Variants in LBP observed in about 807,000 individuals in gnomAD.
LBP encodes the protein lipopolysaccharide binding protein, also known as lipopolysaccharide-binding protein.
LBP carries 53 observed loss-of-function variants against 56.6 expected under a neutral mutation model. The ratio of observed to expected loss-of-function variants is 0.94; its 90% CI spans 0.75 to 1.18. The LOEUF is 1.18. Among genes scored for constraint, LBP ranks in the 50% most tolerant of loss-of-function variants. The pLI, the probability that LBP is intolerant of heterozygous loss-of-function variation, is 0.00. For synonymous variants in LBP, 227 were observed against 247.5 expected (o/e 0.92, Z 0.78); for missense variants, 601 against 598.3 (o/e 1.00, Z -0.05).
Position 38,371,324 on chromosome 20 carries a change from T to A in LBP, c.1260+2T>A. Reference sequence around the variant, plus strand: ...GAATCCAAAGTTGGACTATTCAATGTAAGTTGTTTTTATTGATGACATGAT... The same window carrying A: ...GAATCCAAAGTTGGACTATTCAATGAAAGTTGTTTTTATTGATGACATGAT... On this transcript the variant is annotated splice_donor_variant, in intron 12 of 14. Coordinates refer to ENST00000217407, the MANE Select transcript of LBP (RefSeq NM_004139.5). LOFTEE classifies it high-confidence loss of function. 6.3e-7 allele frequency: 1 copy of A among 1,599,336 alleles called. No homozygotes were observed. The highest frequency in any genetic ancestry group is 8.6e-7 in the Non-Finnish European group (1 of 1,167,142).
chr20:38,351,871 TA>T (rs1208648722), intron 3 of LBP, among the ~76,000 whole-genome samples: 2 of 151,726 alleles, frequency 1.3e-5, no homozygotes, highest in Non-Finnish European at 2.9e-5. Context: ...AAATGAAAAA[TA>T]AATTAAAAAT....
intron 5 of LBP, among the ~76,000 whole-genome samples, chr20:38,358,770 T>C (rs1021932806): frequency 6.6e-6 from 1 of 152,206 alleles, no homozygotes; most frequent in Admixed American, 6.5e-5. Flanking sequence ...GCCAGGGCTC[T>C]GCATGTCCCT....
chr20:38,356,677 T>C (rs1215817153), intron 5 of LBP, among the ~76,000 whole-genome samples: 1 of 152,212 alleles, frequency 6.6e-6, no homozygotes, highest in East Asian at 1.9e-4. Flanking sequence ...ACAATTATAA[T>C]TATCACAGTA....
chr20:38,355,261 C>A, intron 4 of LBP, 85 bp from the exon 5 acceptor site: 1 of 1,227,442 alleles, frequency 8.1e-7, no homozygotes, highest in Non-Finnish European at 1.2e-6. Context: ...CCTTTGTGGA[C>A]TGGCCTGACC....
chr20:38,365,934 A>G (rs1433802542), intron 8 of LBP, among the ~76,000 whole-genome samples: 1 of 152,082 alleles, frequency 6.6e-6, no homozygotes, highest in Non-Finnish European at 1.5e-5. Context: ...ACATGATTTC[A>G]TGATTCATGG....
At position 38,369,003 on chromosome 20, in the gene LBP, G is replaced by A. The variant is rs761399249; in HGVS notation, c.990G>A (p.Arg330=). 2 of 1,613,888 alleles carry A rather than the reference G, an allele frequency of 1.2e-6. No homozygotes were observed. The highest frequency in any genetic ancestry group is 1.6e-4 in the Middle Eastern group (1 of 6,084). Residue 330 remains arginine, a synonymous_variant, in exon 10 of 15, where the codon AGG becomes AGA. Transcript: ENST00000217407. The part of the protein sequence containing the change: ...SFRPFVPRLA[R]LYPNMNLELQ... Reference sequence around the variant, plus strand: ...CCTAATTCTGCTCCCAGTTAGCCAGGCTCTACCCCAACATGAACCTGGAAC... The same window carrying A: ...CCTAATTCTGCTCCCAGTTAGCCAGACTCTACCCCAACATGAACCTGGAAC...
At chr20:38,370,270 G>A (rs897362205) in intron 10 of LBP, among the ~76,000 whole-genome samples, 1 of 152,076 alleles carries the variant, frequency 6.6e-6, no homozygotes, top group Non-Finnish European at 1.5e-5. Context: ...TATCTACTCA[G>A]GGGGTTGATG....
chr20:38,369,122 T>C lies in LBP; in HGVS notation c.1109T>C (p.Leu370Pro), dbSNP rs2076892642. 1.2e-6 allele frequency: 2 copies of C among 1,614,076 alleles called. No individual in the cohort carries two copies. Among genetic ancestry groups the C allele is most frequent in the African/African-American group, 1.3e-5 (1 of 74,922 alleles). ...PYMEIDAFVL[L>P]PSSSKEPVFR... ...ATGGAGATAGATGCCTTTGTGCTCC[T>C]GCCCAGCTCCAGCAAGGAGCCTGTC... Residue 370 changes from leucine (L) to proline (P), a missense_variant, in exon 10 of 15, where the codon CTG (leucine) becomes CCG (proline). Coordinates refer to ENST00000217407, the MANE Select transcript of LBP (RefSeq NM_004139.5).
intron 8 of LBP, 66 bp downstream of exon 8, chr20:38,364,818 T>C: frequency 1.4e-6 from 2 of 1,432,118 alleles, no homozygotes; most frequent in Non-Finnish European, 1.9e-6. Context: ...CTTCTTTCCT[T>C]TTCACCCCTG....
At chr20:38,368,229 T>C (rs1342511204) in intron 9 of LBP, among the ~76,000 whole-genome samples, 1 of 152,010 alleles carries the variant, frequency 6.6e-6, no homozygotes, top group Non-Finnish European at 1.5e-5. Context: ...TGGAGAAACC[T>C]TGGGAGAGGT....
intron 5 of LBP, among the ~76,000 whole-genome samples, chr20:38,356,997 A>G (rs2076843809): frequency 6.6e-6 from 1 of 152,152 alleles, no homozygotes; most frequent in South Asian, 2.1e-4. Flanking sequence ...ATGAGACCAC[A>G]GGCACGTGCC....
intron 6 of LBP, 78 bp from the exon 7 acceptor site, chr20:38,363,897 T>C: frequency 9.8e-7 from 1 of 1,024,180 alleles, no homozygotes; most frequent in Non-Finnish European, 1.5e-6. Flanking sequence ...GGAATGTGAG[T>C]CAGCCAGAGC....
Position 38,376,832 on chromosome 20 carries a change from G to A in LBP, c.*163G>A, listed in dbSNP as rs1302804276. On this transcript the variant is annotated 3_prime_UTR_variant, in exon 15 of 15. Transcript: ENST00000217407. ...GCCTCCACCCTCCTCCTCTTCACCA[G>A]GTGCATGCATGCCCTCTCTGAGTCT... 3 of 751,030 alleles carry A rather than the reference G, an allele frequency of 4.0e-6. No homozygotes were observed. The South Asian group carries it at 4.2e-5, about 11-fold the overall frequency. 46.5% of individuals were successfully genotyped at this position (751,030 alleles called of 1,614,324 possible). A position where few individuals can be genotyped will look rare whatever the true frequency, so the allele number is the denominator to read the frequency against.
chr20:38,358,470 A>G (rs1298250445), intron 5 of LBP, among the ~76,000 whole-genome samples: 1 of 152,132 alleles, frequency 6.6e-6, no homozygotes, highest in Non-Finnish European at 1.5e-5. Context: ...CTGATGGGCT[A>G]CTGTCTGAAG....
intron 1 of LBP, 96 bp from the exon 2 acceptor site, chr20:38,349,452 C>T (rs1253751104): frequency 2.4e-6 from 2 of 825,778 alleles, no homozygotes; most frequent in Non-Finnish European, 2.0e-6. Flanking sequence ...AGGATGTTGG[C>T]CCCTCTCTTG....
chr20:38,346,760 C>G (rs1452802080), intron 1 of LBP, 120 bp downstream of exon 1: 1 of 1,379,506 alleles, frequency 7.2e-7, no homozygotes. Flanking sequence ...GTGCCACCTT[C>G]TGGGTCAGGT....
chr20:38,363,921 C>A, intron 6 of LBP, 54 bp from the exon 7 acceptor site: 1 of 1,309,556 alleles, frequency 7.6e-7, no homozygotes, highest in Non-Finnish European at 1.1e-6. Flanking sequence ...TGCCCCTCCT[C>A]CAGCAGCTGA....
chr20:38,375,452 G>A (rs987221961), intron 14 of LBP, among the ~76,000 whole-genome samples: 4 of 151,778 alleles, frequency 2.6e-5, no homozygotes, highest in African/African-American at 9.7e-5. Flanking sequence ...ATGGTGGTGC[G>A]CACCTGTAAT....
chr20:38,376,547 G>A (rs2083959389), intron 14 of LBP, 78 bp from the exon 15 acceptor site: 2 of 1,312,426 alleles, frequency 1.5e-6, no homozygotes, highest in Non-Finnish European at 2.2e-6. Context: ...TGAGACGTGG[G>A]CTCCCTTTCA....
Sources: allele counts gnomAD v4.1 joint callset (sites outside exome capture counted in the v4.1 genomes callset), GRCh38; gene constraint gnomAD v4.1.1; transcripts MANE v1.5; gene names NCBI Gene and HGNC (gene_info 2026-07-23, HGNC 2026-07-21).